PRKG1: variants seen among roughly 807,000 people sequenced by gnomAD.
The protein encoded by PRKG1 is cGMP-dependent protein kinase 1.
PRKG1 carries 35 observed loss-of-function variants against 88.1 expected under a neutral mutation model. That is an observed-to-expected ratio of 0.40 (90% CI 0.30 to 0.53). The LOEUF (loss-of-function observed/expected upper bound fraction) is 0.53, where lower values mean the gene tolerates loss of function less well. PRKG1 is among the 20% of genes least tolerant of loss of function. The probability of loss-of-function intolerance (pLI) is 0.59; values close to 1 mark genes in which losing one functional copy is unlikely to be tolerated. For synonymous variants in PRKG1, 303 were observed against 292.5 expected (o/e 1.04, Z -0.37); for missense variants, 540 against 839.8 (o/e 0.64, Z 4.41).
At chr10:51,625,733 A>G (rs947814207) in intron 3 of PRKG1, among the ~76,000 whole-genome samples, 1 of 152,136 alleles carries the variant, frequency 6.6e-6, no homozygotes, top group African/African-American at 2.4e-5. Flanking sequence ...TAAAAAAAAA[A>G]AAAGAATATA....
At chr10:51,712,969 A>G (rs1477812962) in intron 3 of PRKG1, among the ~76,000 whole-genome samples, 5 of 112,242 alleles carry the variant, frequency 4.5e-5, no homozygotes, top group African/African-American at 1.4e-4. Flanking sequence ...CAATAACTCT[A>G]TGAGGGTTTT....
At chr10:51,829,672 A>G in intron 4 of PRKG1, among the ~76,000 whole-genome samples, 1 of 152,156 alleles carries the variant, frequency 6.6e-6, no homozygotes, top group South Asian at 2.1e-4. Flanking sequence ...ATACACGTGA[A>G]CACACACACA....
intron 3 of PRKG1, among the ~76,000 whole-genome samples, chr10:51,744,917 C>A (rs1423598585): frequency 6.6e-6 from 1 of 152,180 alleles, no homozygotes; most frequent in African/African-American, 2.4e-5. Flanking sequence ...AAACCTCAGT[C>A]CAGCTAAGAG....
intron 3 of PRKG1, among the ~76,000 whole-genome samples, chr10:51,616,225 T>C (rs1472170890): frequency 6.6e-6 from 1 of 152,228 alleles, no homozygotes; most frequent in Non-Finnish European, 1.5e-5. Flanking sequence ...TACACATCCT[T>C]GAGCACCAGG....
intron 4 of PRKG1, among the ~76,000 whole-genome samples, chr10:51,904,375 G>A (rs1289554679): frequency 1.3e-5 from 2 of 151,960 alleles, no homozygotes; most frequent in African/African-American, 2.4e-5. Flanking sequence ...TAATTTAGTG[G>A]AGTCTAAAAT....
chr10:52,200,184 CA>C (rs1839628329), intron 9 of PRKG1, among the ~76,000 whole-genome samples: 2 of 152,150 alleles, frequency 1.3e-5, no homozygotes, highest in South Asian at 4.2e-4. Context: ...ATCTAACAGA[CA>C]GTTTTGCAAT....
Position 51,658,374 on chromosome 10 carries a change from G to A in PRKG1, c.593-146211G>A, listed in dbSNP as rs939054700. ...CTTTCTCTCCAGGATTACCATAATA[G>A]GGCAGGGCAGTCACAGTGCTCTGAG... On this transcript the variant is annotated intron_variant, in intron 3 of 17. Transcript: ENST00000373980. Among the ~76,000 whole-genome samples, 10 of 152,176 alleles carry A rather than the reference G, an allele frequency of 6.6e-5. No individual in the cohort carries two copies. The South Asian group carries it at 2.1e-3, about 32-fold the overall frequency.
chr10:51,579,517 C>T (rs572159969), intron 3 of PRKG1, among the ~76,000 whole-genome samples: 2 of 152,110 alleles, frequency 1.3e-5, no homozygotes, highest in East Asian at 1.9e-4. Flanking sequence ...ACTTATAATA[C>T]CTAAAAGTGA....
At chr10:51,698,180 C>A in intron 3 of PRKG1, 1 of 1,614,170 alleles carries the variant, frequency 6.2e-7, no homozygotes, top group Middle Eastern at 1.6e-4. Context: ...CATCTCCAAT[C>A]CTCTTGCATC....
At chr10:51,196,926 G>C (rs1044325184) in intron 2 of PRKG1, among the ~76,000 whole-genome samples, 1 of 152,164 alleles carries the variant, frequency 6.6e-6, no homozygotes, top group African/African-American at 2.4e-5. Context: ...AAGCATAATA[G>C]TGTGTAGAGA....
intron 3 of PRKG1, among the ~76,000 whole-genome samples, chr10:51,753,038 G>A (rs926575120): frequency 6.6e-6 from 1 of 152,092 alleles, no homozygotes; most frequent in African/African-American, 2.4e-5. Flanking sequence ...TGTTACTTGA[G>A]TAAAATAAAC....
At chr10:51,752,013 T>A (rs1837738445) in intron 3 of PRKG1, among the ~76,000 whole-genome samples, 1 of 152,236 alleles carries the variant, frequency 6.6e-6, no homozygotes, top group South Asian at 2.1e-4. Context: ...AAACTTTTTT[T>A]ACTGATCTTT....
At chr10:52,136,596 A>T (rs1837429837) in intron 8 of PRKG1, among the ~76,000 whole-genome samples, 1 of 152,098 alleles carries the variant, frequency 6.6e-6, no homozygotes, top group Non-Finnish European at 1.5e-5. Flanking sequence ...TTTTACAAGA[A>T]TATGGGTAAA....
At chr10:51,242,276 T>C (rs1294372539) in intron 2 of PRKG1, among the ~76,000 whole-genome samples, 1 of 152,120 alleles carries the variant, frequency 6.6e-6, no homozygotes, top group Non-Finnish European at 1.5e-5. Flanking sequence ...TATAAGTATG[T>C]TCAGAACAAG....
At position 51,514,553 on chromosome 10, in the gene PRKG1, C is replaced by T. The variant is rs139575750; in HGVS notation, c.592+46717C>T. ...TTAAAGGCAAAGCATGGTAAATATGCTTCTTAAAAGCCATGATGTGGCTTC... is the reference window on the plus strand; with the variant it reads ...TTAAAGGCAAAGCATGGTAAATATGTTTCTTAAAAGCCATGATGTGGCTTC... On this transcript the variant is annotated intron_variant, in intron 3 of 17. Coordinates refer to ENST00000373980, the MANE Select transcript of PRKG1 (RefSeq NM_006258.4). 7.6e-4 allele frequency among the ~76,000 whole-genome samples: 115 copies of T among 152,256 alleles called. No homozygotes were observed. The East Asian group carries it at 0.02, about 27-fold the overall frequency.
At chr10:51,439,396 G>A (rs759082032) in intron 2 of PRKG1, among the ~76,000 whole-genome samples, 67 of 151,800 alleles carry the variant, frequency 4.4e-4, no homozygotes, top group Admixed American at 2.0e-4. Flanking sequence ...GTAGATTCCA[G>A]CCATTACTTT....
chr10:51,731,529 C>T (rs1842270930), intron 3 of PRKG1, among the ~76,000 whole-genome samples: 1 of 152,072 alleles, frequency 6.6e-6, no homozygotes, highest in African/African-American at 2.4e-5. Flanking sequence ...GAAAATTTAG[C>T]CGTTAAAATA....
intron 5 of PRKG1, among the ~76,000 whole-genome samples, chr10:52,014,176 T>A (rs1443880900): frequency 6.6e-6 from 1 of 152,180 alleles, no homozygotes; most frequent in Non-Finnish European, 1.5e-5. Flanking sequence ...TGCACATTGC[T>A]ATAAAGAAAC....
At chr10:51,497,947 A>G (rs943615964) in intron 3 of PRKG1, among the ~76,000 whole-genome samples, 1 of 152,184 alleles carries the variant, frequency 6.6e-6, no homozygotes, top group Non-Finnish European at 1.5e-5. Context: ...CCATATTAGT[A>G]TCTACTAATA....
Sources: gnomAD v4.1 joint callset for allele counts (sites outside exome capture counted in the v4.1 genomes callset) on GRCh38, gnomAD v4.1.1 for gene constraint, MANE v1.5 for transcripts, NCBI Gene and HGNC (gene_info 2026-07-23, HGNC 2026-07-21) for gene names.